Variants in FSTL4 observed in about 807,000 individuals in gnomAD.
FSTL4 encodes the protein follistatin-related protein 4.
Under a neutral mutation model 78.2 loss-of-function variants are expected in FSTL4, and 28 were observed. The observed-to-expected ratio is 0.36, with a 90% CI of 0.27 to 0.49. FSTL4 has a LOEUF of 0.49. Ranked by LOEUF, FSTL4 falls within the 20% of genes least tolerant of loss-of-function variation. The probability of loss-of-function intolerance (pLI) is 0.98; values close to 1 mark genes in which losing one functional copy is unlikely to be tolerated. For synonymous variants in FSTL4, 422 were observed against 440.5 expected (o/e 0.96, Z 0.53); for missense variants, 922 against 1,084.9 (o/e 0.85, Z 2.11).
intron 3 of FSTL4, among the ~76,000 whole-genome samples, chr5:133,564,528 G>A (rs1353227251): frequency 6.6e-6 from 1 of 152,196 alleles, no homozygotes; most frequent in Admixed American, 6.5e-5. Flanking sequence ...TTAACTACTG[G>A]CCCTGGGCTA....
intron 3 of FSTL4, among the ~76,000 whole-genome samples, chr5:133,428,370 G>A (rs1239145218): frequency 1.3e-5 from 2 of 152,184 alleles, no homozygotes; most frequent in Non-Finnish European, 2.9e-5. Flanking sequence ...GCCTTACTAA[G>A]CTCACCTTGC....
the FSTL4 span, among the ~76,000 whole-genome samples, chr5:133,715,793 G>A: frequency 3.3e-5 from 5 of 152,166 alleles, no homozygotes; most frequent in African/African-American, 1.2e-4. Context: ...CAAACACTGC[G>A]AAGAATAGGA....
At chr5:133,706,866 C>A in the FSTL4 span, among the ~76,000 whole-genome samples, 2 of 152,122 alleles carry the variant, frequency 1.3e-5, no homozygotes, top group Non-Finnish European at 2.9e-5. Flanking sequence ...GCAGTGCAGA[C>A]GGGCCCCACC....
chr5:133,274,646 C>A (rs553726043), intron 6 of FSTL4, among the ~76,000 whole-genome samples: 2 of 152,136 alleles, frequency 1.3e-5, no homozygotes. Context: ...AGACCGCCCA[C>A]GTGACCCAGA....
chr5:133,494,472 G>A (rs192801490), intron 3 of FSTL4, among the ~76,000 whole-genome samples: 99 of 151,584 alleles, frequency 6.5e-4, no homozygotes, highest in Non-Finnish European at 1.2e-3. Context: ...TGTTACTAAT[G>A]TCCCCAGCAG....
intron 4 of FSTL4, among the ~76,000 whole-genome samples, chr5:133,367,263 G>A (rs897884138): frequency 4.6e-5 from 7 of 152,160 alleles, no homozygotes; most frequent in Non-Finnish European, 8.8e-5. Context: ...CTGTTCCAAA[G>A]GCCTGAGATT....
At chr5:133,728,691 A>G in the FSTL4 span, among the ~76,000 whole-genome samples, 1 of 115,862 alleles carries the variant, frequency 8.6e-6, no homozygotes, top group African/African-American at 6.6e-5. Flanking sequence ...GCAACATGGT[A>G]TGAAGTGATT....
chr5:133,593,590 C>T (rs2112969359), intron 2 of FSTL4, among the ~76,000 whole-genome samples: 1 of 152,212 alleles, frequency 6.6e-6, no homozygotes, highest in South Asian at 2.1e-4. Context: ...CCTGTGATAC[C>T]AGATCTGCTA....
the FSTL4 span, among the ~76,000 whole-genome samples, chr5:133,734,848 C>T: frequency 2.0e-5 from 3 of 152,200 alleles, no homozygotes; most frequent in African/African-American, 7.2e-5. Context: ...CCACTCTCTG[C>T]CTTTCCATGT....
At chr5:133,755,422 C>G in the FSTL4 span, among the ~76,000 whole-genome samples, 1 of 152,296 alleles carries the variant, frequency 6.6e-6, no homozygotes, top group South Asian at 2.1e-4. Flanking sequence ...CCACCATTAT[C>G]CTTCCTCCAC....
At chr5:133,638,083 A>C in the FSTL4 span, among the ~76,000 whole-genome samples, 1 of 152,172 alleles carries the variant, frequency 6.6e-6, no homozygotes, top group Admixed American at 6.5e-5. Context: ...CCCTTCAGTT[A>C]ATCAGTCTGA....
intron 6 of FSTL4, among the ~76,000 whole-genome samples, chr5:133,276,957 C>T (rs1189685673): frequency 1.3e-5 from 2 of 152,184 alleles, no homozygotes; most frequent in South Asian, 4.1e-4. Flanking sequence ...AGAGGTCATT[C>T]TGTATGAGTC....
intron 3 of FSTL4, among the ~76,000 whole-genome samples, chr5:133,490,561 T>C (rs1212288512): frequency 1.3e-5 from 2 of 152,234 alleles, no homozygotes; most frequent in African/African-American, 2.4e-5. Context: ...GCATCCTATA[T>C]ACTTGAATAT....
At chr5:133,664,066 G>A in the FSTL4 span, among the ~76,000 whole-genome samples, 2 of 152,134 alleles carry the variant, frequency 1.3e-5, no homozygotes, top group East Asian at 1.9e-4. Flanking sequence ...TCTGCAGGCC[G>A]CAGCTACATG....
chr5:133,271,423 A>G (rs1054729152), intron 6 of FSTL4, among the ~76,000 whole-genome samples: 3 of 152,180 alleles, frequency 2.0e-5, no homozygotes, highest in African/African-American at 7.2e-5. Flanking sequence ...TGGTTTTGGA[A>G]GCACAGATTC....
the FSTL4 span, among the ~76,000 whole-genome samples, chr5:133,700,590 T>C: frequency 6.6e-6 from 1 of 152,266 alleles, no homozygotes; most frequent in Non-Finnish European, 1.5e-5. Flanking sequence ...TGTATCACTG[T>C]ATTCCGGGAT....
chr5:133,557,745 A>G (rs1017862378), intron 3 of FSTL4, among the ~76,000 whole-genome samples: 5 of 152,186 alleles, frequency 3.3e-5, no homozygotes, highest in Admixed American at 6.5e-5. Flanking sequence ...CTTACACTCC[A>G]TATCAAGTAT....
At chr5:133,577,481 A>G (rs1760308931) in intron 2 of FSTL4, among the ~76,000 whole-genome samples, 1 of 152,202 alleles carries the variant, frequency 6.6e-6, no homozygotes, top group Admixed American at 6.5e-5. Context: ...GGGGAGGCAC[A>G]GCTGCCAACA....
intron 3 of FSTL4, among the ~76,000 whole-genome samples, chr5:133,518,503 G>T (rs1486838070): frequency 6.6e-6 from 1 of 152,204 alleles, no homozygotes; most frequent in East Asian, 1.9e-4. Context: ...AGGTGGGGAA[G>T]GGGGCAGCAT....
Sources: gnomAD v4.1 joint callset for allele counts (sites outside exome capture counted in the v4.1 genomes callset) on GRCh38, gnomAD v4.1.1 for gene constraint, MANE v1.5 for transcripts, NCBI Gene and HGNC (gene_info 2026-07-23, HGNC 2026-07-21) for gene names.